The following SLC45A1 variants were observed in gnomAD, a reference collection of about 807,000 sequenced individuals.
SLC45A1 encodes the protein proton-associated sugar transporter A.
SLC45A1 carries 28 observed loss-of-function variants against 57.6 expected under a neutral mutation model. The observed-to-expected ratio is 0.49, with a 90% CI of 0.36 to 0.67. The LOEUF is 0.67. Ranked by LOEUF, SLC45A1 falls within the 30% of genes least tolerant of loss-of-function variation. The pLI is 0.00. For synonymous variants in SLC45A1, 459 were observed against 471.5 expected (o/e 0.97, Z 0.34); for missense variants, 814 against 1,041.5 (o/e 0.78, Z 3.01).
intron 5 of SLC45A1, among the ~76,000 whole-genome samples, chr1:8,334,799 C>T (rs1017696319): frequency 3.3e-5 from 5 of 152,214 alleles, no homozygotes; most frequent in Admixed American, 6.5e-5. Context: ...GAAACCTTCT[C>T]GTTCCAGGAG....
intron 7 of SLC45A1, among the ~76,000 whole-genome samples, chr1:8,338,659 C>T (rs187290112): frequency 5.3e-5 from 8 of 152,374 alleles, no homozygotes; most frequent in Admixed American, 4.6e-4. Context: ...GCCACAGACA[C>T]GGGAAACCGA....
At chr1:8,324,163 G>T in intron 1 of SLC45A1, 143 bp from the exon 2 acceptor site, 1 of 756,792 alleles carries the variant, frequency 1.3e-6, no homozygotes, top group Non-Finnish European at 2.1e-6. Flanking sequence ...GGAAAGTGAG[G>T]CCCCGGAGCA....
chr1:8,331,279 A>C (rs2124306728), intron 5 of SLC45A1, among the ~76,000 whole-genome samples: 1 of 149,206 alleles, frequency 6.7e-6, no homozygotes, highest in East Asian at 2.0e-4. Context: ...CTTTTAAAAA[A>C]TATTTTTAAA....
chr1:8,318,185 A>T lies in SLC45A1; in HGVS notation c.-26A>T. The T allele has an allele frequency of 2.3e-6, 1 of 439,110 alleles. No individual in the cohort carries two copies. Among genetic ancestry groups the T allele is most frequent in the Non-Finnish European group, 4.2e-6 (1 of 239,282 alleles). 27.2% of individuals were successfully genotyped at this position (439,110 alleles called of 1,614,324 possible). On this transcript the variant is annotated splice_region_variant and 5_prime_UTR_variant, in exon 1 of 9. Transcript: ENST00000471889. The stretch of plus-strand genomic sequence containing the variant: ...AGGGATGCCTGCCGTCTCCACCCAC[A>T]GGTACCACCGTCTCCTCCGCGCCCT...
rs772289747 is a variant in SLC45A1 at position 8,337,968 on chromosome 1, G to A, written c.1750G>A (p.Ala584Thr). ...TMGCWGMCIY[A>T]FSAAFYSAIL... is the part of the protein sequence containing the mutation. ...GGGCTGCTGGGGCATGTGTATCTAC[G>A]CCTTCAGTGCTGCCTTCTACTCAGG... The change falls in exon 7 of 9, where the codon GCC becomes ACC. Residue 584 changes from alanine to threonine, a missense_variant. Transcript: ENST00000471889. The A allele has an allele frequency of 1.9e-6, 3 of 1,614,084 alleles. No individual in the cohort carries two copies. The highest frequency in any genetic ancestry group is 1.7e-5 in the Admixed American group (1 of 60,006).
chr1:8,320,692 T>TCTACACAC (rs1254589597), intron 1 of SLC45A1, among the ~76,000 whole-genome samples: 1 of 101,224 alleles, frequency 9.9e-6, no homozygotes, highest in African/African-American at 3.2e-5. Flanking sequence ...TCTCTCTCTC[T>TCTACACAC]ACACACACAC....
Position 8,343,638 on chromosome 1 carries a change from C to G in SLC45A1, c.1981-109C>G. On this transcript the variant is annotated intron_variant, in intron 8 of 8. Transcript: ENST00000471889. This position sits in a 1 kb window ranked among gnomAD's most constrained non-coding sequence, Gnocchi z 7.7. ...ATGTTGGCGCTGAAAAATGTGAGGC[C>G]GCTGTGTGTGGGCCGCTCGGGCCTC... The G allele has an allele frequency of 8.1e-7, 1 of 1,228,344 alleles. No homozygotes were observed. 76.1% of individuals were successfully genotyped at this position (1,228,344 alleles called of 1,614,324 possible). A position where few individuals can be genotyped will look rare whatever the true frequency, so the allele number is the denominator to read the frequency against.
At chr1:8,322,242 G>T (rs1391230612) in intron 1 of SLC45A1, among the ~76,000 whole-genome samples, 2 of 84 alleles carry the variant, frequency 0.024, no homozygotes, top group Non-Finnish European at 0.028. Context: ...TGGGTGGGTG[G>T]ATGGATGGAT....
In SLC45A1 at chr1:8,318,123, G is replaced by A; in HGVS notation, c.-88G>A. The A allele has an allele frequency of 2.1e-6, 1 of 475,130 alleles. No individual in the cohort carries two copies. Among genetic ancestry groups the A allele is most frequent in the Non-Finnish European group, 3.8e-6 (1 of 261,808 alleles). 29.4% of individuals were successfully genotyped at this position (475,130 alleles called of 1,614,324 possible). On this transcript the variant is annotated 5_prime_UTR_variant, in exon 1 of 9. Coordinates refer to ENST00000471889, the MANE Select transcript of SLC45A1 (RefSeq NM_001080397.3). ...CGCCCCGGGTGATGCTGCAGCAGCC[G>A]GGACCGCGGCCGGGCAGGCAGCAGC...
In SLC45A1 at chr1:8,326,911, C is replaced by T. The variant is rs113775666; in HGVS notation, c.715+869C>T. 2.4e-3 allele frequency among the ~76,000 whole-genome samples: 361 copies of T among 152,310 alleles called. 3 individuals carry two copies. The highest frequency in any genetic ancestry group is 8.2e-3 in the African/African-American group (339 of 41,554). ...AGGAGAATCACTTGAATCCGGGAGG[C>T]GGAGGTTGCAGTGAACTGAGATCGC... On this transcript the variant is annotated intron_variant, in intron 4 of 8. Transcript: ENST00000471889. This position sits in a 1 kb window ranked among gnomAD's most constrained non-coding sequence, Gnocchi z 5.5.
At chr1:8,342,725 A>G (rs868742767) in intron 8 of SLC45A1, among the ~76,000 whole-genome samples, 22 of 152,218 alleles carry the variant, frequency 1.4e-4, no homozygotes, top group South Asian at 4.1e-4. Context: ...GTCAGACCCC[A>G]TCTCTAAAAA....
At chr1:8,334,448 C>A (rs1009969534) in intron 5 of SLC45A1, among the ~76,000 whole-genome samples, 37 of 152,070 alleles carry the variant, frequency 2.4e-4, no homozygotes, top group African/African-American at 8.4e-4. Flanking sequence ...CATCTAAATT[C>A]AAAAACGACT....
In SLC45A1 at chr1:8,326,108, G is replaced by C; in HGVS notation, c.715+66G>C. Reference sequence around the variant, plus strand: ...TGCAGGCTTCAGACGTGTGGCTTTCGAGGCCCTTCCTCACTCCCTGATTTA... The same window carrying C: ...TGCAGGCTTCAGACGTGTGGCTTTCCAGGCCCTTCCTCACTCCCTGATTTA... On this transcript the variant is annotated intron_variant, in intron 4 of 8. Transcript: ENST00000471889. This position sits in a 1 kb window ranked among gnomAD's most constrained non-coding sequence, Gnocchi z 5.5. 2.3e-6 allele frequency: 3 copies of C among 1,300,374 alleles called. No homozygotes were observed. Among genetic ancestry groups the C allele is most frequent in the Non-Finnish European group, 3.3e-6 (3 of 921,954 alleles). The allele number at this position is 1,300,374 out of a possible 1,614,324, so 80.6% of individuals were successfully genotyped here. A position where few individuals can be genotyped will look rare whatever the true frequency, so the allele number is the denominator to read the frequency against.
In SLC45A1 at chr1:8,335,349, C is replaced by T. The variant is rs1334957194; in HGVS notation, c.1444-88C>T. 1.4e-5 allele frequency: 19 copies of T among 1,314,570 alleles called. No homozygotes were observed. The highest frequency in any genetic ancestry group is 1.1e-4 in the East Asian group (4 of 37,028). The allele number at this position is 1,314,570 out of a possible 1,614,324, so 81.4% of individuals were successfully genotyped here. On this transcript the variant is annotated intron_variant, in intron 5 of 8. Coordinates refer to ENST00000471889, the MANE Select transcript of SLC45A1 (RefSeq NM_001080397.3). The surrounding 1 kb of genome is among the most constrained non-coding windows in gnomAD (Gnocchi z 4.1). ...CCTTGCAGCCTCCGTGCGGTGTTTC[C>T]GAGAGCGCATTCCCCTGAGCAGAGC...
At chr1:8,329,887 C>T (rs747292477) in intron 4 of SLC45A1, among the ~76,000 whole-genome samples, 14 of 152,136 alleles carry the variant, frequency 9.2e-5, no homozygotes, top group South Asian at 4.1e-4. Flanking sequence ...TGTCAACATT[C>T]GCTCCAGGGG....
chr1:8,333,791 G>A (rs1640501539), intron 5 of SLC45A1, among the ~76,000 whole-genome samples: 1 of 152,232 alleles, frequency 6.6e-6, no homozygotes, highest in Non-Finnish European at 1.5e-5. Context: ...TCTCTGGTGT[G>A]TGTGGCCGGG....
At chr1:8,342,128 A>G (rs921577960) in intron 8 of SLC45A1, among the ~76,000 whole-genome samples, 1 of 151,978 alleles carries the variant, frequency 6.6e-6, no homozygotes, top group Non-Finnish European at 1.5e-5. Flanking sequence ...AATGGCGTGA[A>G]CCCGGGAGGC....
At chr1:8,340,778 C>T (rs143084545) in intron 8 of SLC45A1, among the ~76,000 whole-genome samples, 1 of 152,114 alleles carries the variant, frequency 6.6e-6, no homozygotes, top group Non-Finnish European at 1.5e-5. Context: ...TTTGGACAGG[C>T]CTGAGTACCT....
At chr1:8,331,023 C>A in intron 5 of SLC45A1, 87 bp downstream of exon 5, 1 of 1,466,080 alleles carries the variant, frequency 6.8e-7, no homozygotes, top group Non-Finnish European at 9.1e-7. Flanking sequence ...GGGAGAGTCC[C>A]TCCAGGAAGA....
Sources: allele counts gnomAD v4.1 joint callset (sites outside exome capture counted in the v4.1 genomes callset), GRCh38; gene constraint gnomAD v4.1.1; non-coding constraint Gnocchi (gnomAD v3.1); transcripts MANE v1.5; gene names NCBI Gene and HGNC (gene_info 2026-07-23, HGNC 2026-07-21).